Variants in POC1B observed in about 807,000 individuals in gnomAD.
The protein encoded by POC1B is POC1 centriolar protein homolog B.
A neutral mutation model predicts 60.6 loss-of-function variants in POC1B; 44 were observed. The ratio of observed to expected loss-of-function variants is 0.73; its 90% confidence interval spans 0.57 to 0.93. POC1B has a LOEUF of 0.93. Among genes scored for constraint, POC1B ranks in the 40% least tolerant of loss-of-function variants. The pLI, the probability that POC1B is intolerant of heterozygous loss-of-function variation, is 0.00. For synonymous variants in POC1B, 180 were observed against 198.9 expected (o/e 0.90, Z 0.80); for missense variants, 555 against 572.3 (o/e 0.97, Z 0.31).
At chr12:89,500,827 C>T in intron 2 of POC1B, 1 of 1,033,000 alleles carries the variant, frequency 9.7e-7, no homozygotes, top group South Asian at 1.4e-5. Flanking sequence ...CCATCAGGAT[C>T]ATCTCAGAAT....
At chr12:89,486,741 C>T (rs376119070) in intron 4 of POC1B, among the ~76,000 whole-genome samples, 1 of 152,076 alleles carries the variant, frequency 6.6e-6, no homozygotes, top group African/African-American at 2.4e-5. Context: ...ACAGCAGCTG[C>T]GTTGAGGATG....
chr12:89,513,900 C>A (rs915581478), intron 2 of POC1B, among the ~76,000 whole-genome samples: 1 of 152,206 alleles, frequency 6.6e-6, no homozygotes, highest in Non-Finnish European at 1.5e-5. Context: ...GGCTCTGCTG[C>A]CTACTAGCTT....
At chr12:89,431,159 G>A (rs1370528212) in intron 10 of POC1B, among the ~76,000 whole-genome samples, 1 of 151,928 alleles carries the variant, frequency 6.6e-6, no homozygotes, top group Non-Finnish European at 1.5e-5. Context: ...TTGAACTTTA[G>A]ATATACATTC....
intron 10 of POC1B, among the ~76,000 whole-genome samples, chr12:89,446,420 G>A (rs1490831150): frequency 1.3e-5 from 2 of 152,214 alleles, no homozygotes; most frequent in Admixed American, 1.3e-4. Context: ...ATACTATGCA[G>A]CCATAAAAAG....
At chr12:89,525,758 A>G in intron 1 of POC1B, 123 bp downstream of exon 1, 1 of 1,343,546 alleles carries the variant, frequency 7.4e-7, no homozygotes, top group Non-Finnish European at 9.7e-7. Context: ...CGAGGGGCTC[A>G]GGACCCGGCT....
At chr12:89,501,065 CAAGA>C in intron 2 of POC1B, 1 of 1,108,218 alleles carries the variant, frequency 9.0e-7, no homozygotes, top group Non-Finnish European at 1.4e-6. Flanking sequence ...ATTACTATAC[CAAGA>C]AAGGCGGGGC....
At chr12:89,445,634 C>G (rs374075693) in intron 10 of POC1B, among the ~76,000 whole-genome samples, 1 of 152,024 alleles carries the variant, frequency 6.6e-6, no homozygotes, top group African/African-American at 2.4e-5. Flanking sequence ...TTAAATGTTA[C>G]ACCTAAAACC....
chr12:89,492,175 T>C lies in POC1B; in HGVS notation c.273-60A>G, dbSNP rs567540109. Reference sequence around the variant, plus strand: ...TGATTTAATTATAGTTAATACTTAATCACAATACAGACTTTGAAACATATA... The same window carrying C: ...TGATTTAATTATAGTTAATACTTAACCACAATACAGACTTTGAAACATATA... On this transcript the variant is annotated intron_variant, in intron 3 of 11. Transcript: ENST00000313546. 1.1e-3 allele frequency: 1,343 copies of C among 1,264,228 alleles called. 4 individuals carry two copies. The highest frequency in any genetic ancestry group is 1.6e-3 in the South Asian group (95 of 57,592). 78.3% of individuals were successfully genotyped at this position (1,264,228 alleles called of 1,614,324 possible).
Position 89,425,471 on chromosome 12 carries a change from C to A in POC1B, c.1114-92G>T, listed in dbSNP as rs142384043. 1.6e-4 allele frequency: 156 copies of A among 960,870 alleles called. No homozygotes were observed. The East Asian group carries it at 3.0e-3, about 19-fold the overall frequency. The allele number at this position is 960,870 out of a possible 1,614,324, so 59.5% of individuals were successfully genotyped here. A position where few individuals can be genotyped will look rare whatever the true frequency, so the allele number is the denominator to read the frequency against. ...TTTAAAATATTCCTCTTCTAAAAAG[C>A]CCAGGCTTACATTGAAGATTTATCC... On this transcript the variant is annotated intron_variant, in intron 10 of 11. Coordinates refer to ENST00000313546, the MANE Select transcript of POC1B (RefSeq NM_172240.3).
chr12:89,474,679 G>GT (rs1263931118), intron 4 of POC1B, among the ~76,000 whole-genome samples: 1 of 152,166 alleles, frequency 6.6e-6, no homozygotes, highest in African/African-American at 2.4e-5. Flanking sequence ...TCAGGCAGTT[G>GT]TTTCCACAGC....
rs558741015 is a variant in POC1B at position 89,444,144 on chromosome 12, G to A, written c.1113+15494C>T. On this transcript the variant is annotated intron_variant, in intron 10 of 11. Coordinates refer to ENST00000313546, the MANE Select transcript of POC1B (RefSeq NM_172240.3). ...ACCAACCAAAAAAAGTCCAGGACCA[G>A]AACGGTTTCACAGCCGAATTCTACC... is the stretch of plus-strand genomic sequence containing the variant. 5.9e-5 allele frequency among the ~76,000 whole-genome samples: 9 copies of A among 152,206 alleles called. No homozygotes were observed. The East Asian group carries it at 1.7e-3, about 29-fold the overall frequency.
intron 2 of POC1B, chr12:89,519,451 TAATC>T (rs1000797650): frequency 7.2e-5 from 11 of 152,236 alleles, no homozygotes; most frequent in Admixed American, 1.3e-4. Flanking sequence ...TTTTACATCT[TAATC>T]AACATTACAA....
intron 10 of POC1B, among the ~76,000 whole-genome samples, chr12:89,435,013 T>C (rs912589527): frequency 3.3e-5 from 5 of 152,140 alleles, no homozygotes; most frequent in Admixed American, 2.6e-4. Context: ...TTCCATTGTT[T>C]TACTGGATGA....
At chr12:89,487,298 A>C (rs1282284562) in intron 4 of POC1B, among the ~76,000 whole-genome samples, 1 of 152,198 alleles carries the variant, frequency 6.6e-6, no homozygotes, top group South Asian at 2.1e-4. Context: ...CTGGTTCCTC[A>C]GGGCAAGCTT....
the POC1B span, among the ~76,000 whole-genome samples, chr12:89,411,406 C>T: frequency 6.6e-6 from 1 of 152,196 alleles, no homozygotes; most frequent in Non-Finnish European, 1.5e-5. Context: ...TAATTACTTC[C>T]CATTGCTGAT....
intron 11 of POC1B, among the ~76,000 whole-genome samples, chr12:89,422,101 G>A (rs1880563711): frequency 6.6e-6 from 1 of 151,538 alleles, no homozygotes; most frequent in Non-Finnish European, 1.5e-5. Context: ...ACCCACACAA[G>A]GTACATGTGT....
At chr12:89,508,661 T>C (rs1870023330) in intron 2 of POC1B, among the ~76,000 whole-genome samples, 2 of 152,174 alleles carry the variant, frequency 1.3e-5, no homozygotes, top group African/African-American at 4.8e-5. Flanking sequence ...CCACCGAAAA[T>C]CTCATCTTGA....
chr12:89,439,743 A>T (rs867930205), intron 10 of POC1B, among the ~76,000 whole-genome samples: 1 of 152,066 alleles, frequency 6.6e-6, no homozygotes, highest in Non-Finnish European at 1.5e-5. Flanking sequence ...AGCTGGGATT[A>T]CATGCATGTA....
chr12:89,423,105 A>G (rs1255069900), intron 11 of POC1B, among the ~76,000 whole-genome samples: 1 of 151,630 alleles, frequency 6.6e-6, no homozygotes, highest in Non-Finnish European at 1.5e-5. Flanking sequence ...CGTGGGCTCA[A>G]GTGATCTTCC....
Sources: allele counts gnomAD v4.1 joint callset (sites outside exome capture counted in the v4.1 genomes callset), GRCh38; gene constraint gnomAD v4.1.1; transcripts MANE v1.5; gene names NCBI Gene and HGNC (gene_info 2026-07-23, HGNC 2026-07-21).